Variants in SLC29A3 observed in about 807,000 individuals in gnomAD.
SLC29A3 encodes the protein equilibrative nucleoside transporter 3.
In SLC29A3, 18 loss-of-function variants were observed where a neutral mutation model predicts 25.4. The observed-to-expected ratio is 0.71, with a 90% confidence interval of 0.49 to 1.05. The LOEUF is 1.05. Among genes scored for constraint, SLC29A3 ranks in the 50% least tolerant of loss-of-function variants. SLC29A3 has a pLI of 0.00. For missense variants in SLC29A3, 586 were observed against 609.0 expected, an observed-to-expected ratio of 0.96 and a Z score of 0.40; for synonymous variants, 258 against 267.1, an observed-to-expected ratio of 0.97 and a Z score of 0.33.
chr10:71,336,886 C>T (rs1016827003), intron 2 of SLC29A3, among the ~76,000 whole-genome samples: 13 of 152,054 alleles, frequency 8.5e-5, no homozygotes, highest in African/African-American at 2.9e-4. Flanking sequence ...GGGAGAGCCC[C>T]GGGGTGCTCA....
intron 4 of SLC29A3, among the ~76,000 whole-genome samples, chr10:71,354,065 T>C (rs956577044): frequency 2.6e-5 from 4 of 152,198 alleles, no homozygotes; most frequent in Admixed American, 6.5e-5. Context: ...GTGGGCATCC[T>C]CTTGGCAAAG....
Position 71,356,220 on chromosome 10 carries a change from G to A in SLC29A3, c.750G>A (p.Leu250=). The change falls in exon 5 of 6, where the codon CTG becomes CTA. Residue 250 remains leucine, a synonymous_variant. Coordinates refer to ENST00000373189, the MANE Select transcript of SLC29A3 (RefSeq NM_018344.6). ...TGCTCTGCATGGGACTCTACCTGCT[G>A]CTGTCCAGGCTGGAGTATGCCAGGT... ...FLVLCMGLYL[L]LSRLEYARYY... The A allele has an allele frequency of 6.2e-7, 1 of 1,613,916 alleles. No individual in the cohort carries two copies. Among genetic ancestry groups the A allele is most frequent in the Non-Finnish European group, 8.5e-7 (1 of 1,180,026 alleles).
chr10:71,363,435 C>T (rs2131853738), downstream of SLC29A3: 1 of 421,114 alleles, frequency 2.4e-6, no homozygotes, highest in South Asian at 1.7e-5. Context: ...CAATGGCACA[C>T]TCAGATTAGG....
rs138044400 is a variant in SLC29A3, at chr10:71,375,246, C to T, written c.*95-449C>T. Reference sequence around the variant, plus strand: ...GCACTGAAGGCTCCAAGGACTACTGCGGCCACCGTTTCTCCACATGTGGAA... The same window carrying T: ...GCACTGAAGGCTCCAAGGACTACTGTGGCCACCGTTTCTCCACATGTGGAA... On this transcript the variant is annotated intron_variant and NMD_transcript_variant, in intron 3 of 4. Coordinates refer to the SLC29A3 transcript ENST00000642772. Among the ~76,000 whole-genome samples the T allele has an allele frequency of 5.3e-5, 8 of 152,274 alleles. No homozygotes were observed. In the East Asian group the frequency reaches 1.4e-3, roughly 26 times the overall value.
At chr10:71,343,877 CTG>C (rs1311690170) in intron 2 of SLC29A3, among the ~76,000 whole-genome samples, 1 of 152,216 alleles carries the variant, frequency 6.6e-6, no homozygotes, top group East Asian at 1.9e-4. Context: ...AGACATAACA[CTG>C]AGTTCTGTCC....
intron 5 of SLC29A3, among the ~76,000 whole-genome samples, chr10:71,359,401 C>T (rs1846998489): frequency 6.6e-6 from 1 of 152,180 alleles, no homozygotes; most frequent in Non-Finnish European, 1.5e-5. Context: ...TTTGGAAGAA[C>T]TTAGGAGGAA....
chr10:71,358,538 C>T (rs929201840), intron 5 of SLC29A3, among the ~76,000 whole-genome samples: 1 of 152,216 alleles, frequency 6.6e-6, no homozygotes, highest in Non-Finnish European at 1.5e-5. Context: ...CCCTGGCTGG[C>T]TCTCCATCCC....
chr10:71,350,595 C>T (rs1218995472), intron 3 of SLC29A3, among the ~76,000 whole-genome samples: 1 of 152,116 alleles, frequency 6.6e-6, no homozygotes, highest in Non-Finnish European at 1.5e-5. Flanking sequence ...AGTATGGGGG[C>T]TGGGAAGAGT....
At position 71,351,574 on chromosome 10, in the gene SLC29A3, C is replaced by T. The variant is rs1846759231; in HGVS notation, c.396C>T (p.His132=). 9 of 1,614,238 alleles carry T rather than the reference C, an allele frequency of 5.6e-6. 1 individual carries two copies. The South Asian group carries it at 9.9e-5, about 18-fold the overall frequency. Residue 132 remains histidine (H), a synonymous_variant, in exon 4 of 6, where the codon CAC becomes CAT. Transcript: ENST00000373189. ...ATCCTCGCCCCAGGGTTGCAGTCCACATCCGTGTCCTGGCCTCACTGACGG... is the reference window on the plus strand; with the variant it reads ...ATCCTCGCCCCAGGGTTGCAGTCCATATCCGTGTCCTGGCCTCACTGACGG... The part of the protein sequence containing the change: ...NFLLVNRVAV[H]IRVLASLTVI...
At chr10:71,334,279 G>T (rs1846188511) in intron 2 of SLC29A3, among the ~76,000 whole-genome samples, 1 of 152,246 alleles carries the variant, frequency 6.6e-6, no homozygotes, top group South Asian at 2.1e-4. Flanking sequence ...AGTGAAAGCT[G>T]CCCTTGACAA....
At chr10:71,327,343 C>A (rs1025795652) in intron 2 of SLC29A3, among the ~76,000 whole-genome samples, 3 of 152,136 alleles carry the variant, frequency 2.0e-5, no homozygotes, top group Admixed American at 2.0e-4. Flanking sequence ...ATAAGAACCT[C>A]CAATAAATAT....
intron 3 of SLC29A3, among the ~76,000 whole-genome samples, chr10:71,349,457 G>A (rs1846689051): frequency 6.6e-6 from 1 of 152,104 alleles, no homozygotes; most frequent in South Asian, 2.1e-4. Context: ...TCCCAGGGAA[G>A]ACTTAAAGAT....
intron 4 of SLC29A3, among the ~76,000 whole-genome samples, chr10:71,355,319 G>A (rs949425314): frequency 6.6e-5 from 10 of 152,206 alleles, no homozygotes; most frequent in Non-Finnish European, 1.3e-4. Flanking sequence ...CCTCTGTTAG[G>A]TAGCAGTGAA....
intron 5 of SLC29A3, among the ~76,000 whole-genome samples, chr10:71,361,690 C>T (rs1847056706): frequency 6.6e-6 from 1 of 152,234 alleles, no homozygotes; most frequent in Non-Finnish European, 1.5e-5. Context: ...CCCAGACTCA[C>T]CATGCAGTGG....
At position 71,349,202 on chromosome 10, in the gene SLC29A3, G is replaced by A. The variant is rs181288378; in HGVS notation, c.384-2360G>A. On this transcript the variant is annotated intron_variant, in intron 3 of 5. Coordinates refer to ENST00000373189, the MANE Select transcript of SLC29A3 (RefSeq NM_018344.6). ...TTGAAACCCTGATGTACCTCTTTGC[G>A]TTAGTGGGTACTTTGAGTACCCACA... Among the ~76,000 whole-genome samples, 1,028 of 152,228 alleles carry A rather than the reference G, an allele frequency of 6.8e-3. 17 individuals are homozygous for A. The highest frequency in any genetic ancestry group is 0.024 in the African/African-American group (983 of 41,538).
At chr10:71,319,713 T>G in intron 1 of SLC29A3, 1 of 193,496 alleles carries the variant, frequency 5.2e-6, no homozygotes, top group Non-Finnish European at 1.0e-5. Context: ...GCCCTGCGCT[T>G]CCCAGTGCCT....
At chr10:71,333,286 A>T (rs763127674) in intron 2 of SLC29A3, among the ~76,000 whole-genome samples, 1 of 152,210 alleles carries the variant, frequency 6.6e-6, no homozygotes, top group African/African-American at 2.4e-5. Context: ...TGCCTGTTTA[A>T]TGGGTTAATG....
At chr10:71,323,217 T>C (rs1845893874) in intron 2 of SLC29A3, among the ~76,000 whole-genome samples, 163 bp downstream of exon 2, 1 of 152,242 alleles carries the variant, frequency 6.6e-6, no homozygotes. Context: ...GTGTGTATGG[T>C]AAACCCATAA....
In SLC29A3 at chr10:71,362,181, A is replaced by G. The variant is rs144665176; in HGVS notation, c.1001A>G (p.Asn334Ser). The G allele has an allele frequency of 4.9e-4, 784 of 1,614,100 alleles. 3 individuals carry two copies. In the African/African-American group the frequency reaches 7.5e-3, roughly 15 times the overall value. The change falls in exon 6 of 6, where the codon AAC becomes AGC. Residue 334 changes from asparagine (N) to serine (S), a missense_variant. Coordinates refer to ENST00000373189, the MANE Select transcript of SLC29A3 (RefSeq NM_018344.6). ...PAICTNIESL[N>S]KGSGSLWTTK... ...ATCTGCACCAACATCGAGTCCCTCAACAAGGGTTCGGGCTCACTGTGGACC... is the reference window on the plus strand; with the variant it reads ...ATCTGCACCAACATCGAGTCCCTCAGCAAGGGTTCGGGCTCACTGTGGACC...
Sources: gnomAD v4.1 joint callset for allele counts (sites outside exome capture counted in the v4.1 genomes callset) on GRCh38, gnomAD v4.1.1 for gene constraint, MANE v1.5 for transcripts, NCBI Gene and HGNC (gene_info 2026-07-23, HGNC 2026-07-21) for gene names.